KCTD3: variants seen among roughly 807,000 people sequenced by gnomAD.
KCTD3 encodes potassium channel tetramerization domain containing 3, also known as BTB/POZ domain-containing protein KCTD3.
A neutral mutation model predicts 85.8 loss-of-function variants in KCTD3; 41 were observed. That is an observed-to-expected ratio of 0.48 (90% CI 0.37 to 0.62). The LOEUF is 0.62. Among genes scored for constraint, KCTD3 ranks in the 20% least tolerant of loss-of-function variants. KCTD3 has a pLI of 0.00. For synonymous variants in KCTD3, 338 were observed against 345.4 expected (o/e 0.98, Z 0.24); for missense variants, 724 against 989.9 (o/e 0.73, Z 3.60).
intron 10 of KCTD3, among the ~76,000 whole-genome samples, chr1:215,596,630 G>A (rs1251613142): frequency 6.6e-6 from 1 of 152,078 alleles, no homozygotes; most frequent in Non-Finnish European, 1.5e-5. Flanking sequence ...AGAAAGCTAG[G>A]TTGCAGGAAA....
intron 3 of KCTD3, among the ~76,000 whole-genome samples, chr1:215,574,790 T>G (rs1659507354): frequency 6.6e-6 from 1 of 152,210 alleles, no homozygotes; most frequent in Non-Finnish European, 1.5e-5. Context: ...CTTAGAAGAA[T>G]CTCATTGATT....
Position 215,567,614 on chromosome 1 carries a change from C to T in KCTD3, c.-72C>T. 9.8e-7 allele frequency: 1 copy of T among 1,020,666 alleles called. No homozygotes were observed. Among genetic ancestry groups the T allele is most frequent in the East Asian group, 3.6e-5 (1 of 28,024 alleles). The allele number at this position is 1,020,666 out of a possible 1,614,324, so 63.2% of individuals were successfully genotyped here. A position where few individuals can be genotyped will look rare whatever the true frequency, so the allele number is the denominator to read the frequency against. On this transcript the variant is annotated 5_prime_UTR_variant, in exon 1 of 18. Coordinates refer to ENST00000259154, the MANE Select transcript of KCTD3 (RefSeq NM_016121.5). ...GGCCCTGCAGCCGTCGCCGCTGCCT[C>T]GGGCTACAGCCCCGGGCTCGGCGGT... is the stretch of plus-strand genomic sequence containing the variant.
chr1:215,618,196 T>C (rs2102609613), intron 15 of KCTD3: 1 of 445,600 alleles, frequency 2.2e-6, no homozygotes, highest in Middle Eastern at 3.3e-4. Context: ...TGCATGAGAG[T>C]ACAGGAAAAA....
intron 13 of KCTD3, among the ~76,000 whole-genome samples, chr1:215,607,251 A>T (rs1655061305): frequency 6.6e-6 from 1 of 151,890 alleles, no homozygotes; most frequent in African/African-American, 2.4e-5. Context: ...ATAATAACAT[A>T]TTTTCTAAAA....
At chr1:215,589,062 C>T (rs1368429185) in intron 9 of KCTD3, among the ~76,000 whole-genome samples, 2 of 152,152 alleles carry the variant, frequency 1.3e-5, no homozygotes, top group Non-Finnish European at 2.9e-5. Context: ...GTTTGAAGGT[C>T]TATACCAAAC....
intron 7 of KCTD3, 125 bp from the exon 8 acceptor site, chr1:215,579,784 C>T: frequency 1.5e-6 from 1 of 646,352 alleles, no homozygotes. Context: ...AGGTGTGAGC[C>T]ACTGTGCCCG....
chr1:215,606,858 A>T (rs1197140395), intron 13 of KCTD3, among the ~76,000 whole-genome samples: 1 of 152,000 alleles, frequency 6.6e-6, no homozygotes, highest in East Asian at 1.9e-4. Flanking sequence ...GATAATGACT[A>T]ATATTAGCAA....
At chr1:215,593,970 C>T (rs1307371235) in intron 9 of KCTD3, among the ~76,000 whole-genome samples, 1 of 151,076 alleles carries the variant, frequency 6.6e-6, no homozygotes, top group African/African-American at 2.4e-5. Flanking sequence ...AGCAATTCTC[C>T]TGCCACAGCC....
At chr1:215,596,370 G>A (rs1467843459) in intron 10 of KCTD3, among the ~76,000 whole-genome samples, 1 of 151,982 alleles carries the variant, frequency 6.6e-6, no homozygotes, top group Non-Finnish European at 1.5e-5. Context: ...TTGGAATTTG[G>A]GAAAGAAGAA....
chr1:215,592,182 A>G (rs1382736827), intron 9 of KCTD3, among the ~76,000 whole-genome samples: 1 of 152,158 alleles, frequency 6.6e-6, no homozygotes, highest in Non-Finnish European at 1.5e-5. Flanking sequence ...ACAAGATGAG[A>G]TTTGGGTGGG....
At chr1:215,568,141 T>C (rs1659214850) in intron 1 of KCTD3, among the ~76,000 whole-genome samples, 1 of 152,104 alleles carries the variant, frequency 6.6e-6, no homozygotes, top group Non-Finnish European at 1.5e-5. Context: ...CCTGGCTTTG[T>C]GGTTTGGATG....
At chr1:215,572,448 C>T (rs1444243736) in intron 1 of KCTD3, among the ~76,000 whole-genome samples, 1 of 152,146 alleles carries the variant, frequency 6.6e-6, no homozygotes, top group Non-Finnish European at 1.5e-5. Context: ...GATGGACTTG[C>T]AAAGTTGAGA....
At chr1:215,617,218 A>G (rs1655489405) in intron 15 of KCTD3, among the ~76,000 whole-genome samples, 1 of 152,196 alleles carries the variant, frequency 6.6e-6, no homozygotes, top group Non-Finnish European at 1.5e-5. Flanking sequence ...ATTAACTCGT[A>G]AATGCGAGCT....
At chr1:215,599,310 C>T (rs371276905) in intron 10 of KCTD3, among the ~76,000 whole-genome samples, 17 of 151,972 alleles carry the variant, frequency 1.1e-4, no homozygotes, top group South Asian at 1.0e-3. Context: ...TTGGTAAATA[C>T]GATGGTAAAT....
In KCTD3 at chr1:215,601,942, A is replaced by G; in HGVS notation, c.1009A>G (p.Ile337Val). The change falls in exon 11 of 18, where the codon ATA becomes GTA. Residue 337 changes from isoleucine to valine, a missense_variant. This residue lies in a region of KCTD3 where 146 missense variants were observed against 320.3 expected (regional missense o/e 0.46). Coordinates refer to ENST00000259154, the MANE Select transcript of KCTD3 (RefSeq NM_016121.5). Reference protein sequence around the residue: ...FLLLGCNNGSIYYIDMQKFPL... With the variant: ...FLLLGCNNGSVYYIDMQKFPL... ...TCTGCTTGGATGTAACAATGGATCA[A>G]TATATTACATAGGTAAGTGTTCAGT... 6.3e-7 allele frequency: 1 copy of G among 1,587,262 alleles called. No homozygotes were observed. The highest frequency in any genetic ancestry group is 8.6e-7 in the Non-Finnish European group (1 of 1,156,306).
chr1:215,607,646 G>T (rs1311244564), intron 13 of KCTD3, among the ~76,000 whole-genome samples: 2 of 151,964 alleles, frequency 1.3e-5, no homozygotes, highest in African/African-American at 4.8e-5. Context: ...AGCATAAGCA[G>T]AAACAGTTTC....
At chr1:215,591,781 T>A (rs1660236553) in intron 9 of KCTD3, among the ~76,000 whole-genome samples, 1 of 152,244 alleles carries the variant, frequency 6.6e-6, no homozygotes, top group African/African-American at 2.4e-5. Context: ...CTTCTTGTAC[T>A]GTATCTACTA....
chr1:215,600,938 CA>C (rs1281894603), intron 10 of KCTD3, among the ~76,000 whole-genome samples: 177 of 150,538 alleles, frequency 1.2e-3, no homozygotes, highest in African/African-American at 4.1e-3. Context: ...CTAGCAAACA[CA>C]TTTTTTTTTT....
At chr1:215,586,937 T>G (rs1660031655) in intron 9 of KCTD3, among the ~76,000 whole-genome samples, 2 of 152,098 alleles carry the variant, frequency 1.3e-5, no homozygotes, top group South Asian at 4.1e-4. Flanking sequence ...TGAATCCCAC[T>G]TAGTGGTGGA....
Sources: allele counts gnomAD v4.1 joint callset (sites outside exome capture counted in the v4.1 genomes callset), GRCh38; gene constraint gnomAD v4.1.1; regional missense constraint gnomAD v4.1.1; transcripts MANE v1.5; gene names NCBI Gene and HGNC (gene_info 2026-07-23, HGNC 2026-07-21).